NCKAP5: variants seen among roughly 807,000 people sequenced by gnomAD.
NCKAP5 encodes NCK associated protein 5, also known as nck-associated protein 5.
NCKAP5 carries 92 observed loss-of-function variants against 167.0 expected under a neutral mutation model. That is an observed-to-expected ratio of 0.55 (90% CI 0.47 to 0.66). NCKAP5 has a LOEUF of 0.66. Ranked by LOEUF, NCKAP5 falls within the 30% of genes least tolerant of loss-of-function variation. NCKAP5 has a pLI of 0.00. For missense variants in NCKAP5, 2,378 were observed against 2,315.0 expected (o/e 1.03, Z -0.56); for synonymous variants, 891 against 877.4 (o/e 1.02, Z -0.27).
At chr2:132,814,032 G>A (rs969747775) in intron 11 of NCKAP5, among the ~76,000 whole-genome samples, 2 of 152,198 alleles carry the variant, frequency 1.3e-5, no homozygotes, top group Non-Finnish European at 2.9e-5. Flanking sequence ...GTTTTACTAG[G>A]ACAAGTTGCT....
intron 5 of NCKAP5, among the ~76,000 whole-genome samples, chr2:133,144,382 T>C (rs1235909348): frequency 6.6e-6 from 1 of 152,106 alleles, no homozygotes; most frequent in African/African-American, 2.4e-5. Flanking sequence ...GTTTGTGGAC[T>C]CCTAGTCAAG....
At chr2:133,429,764 T>C (rs1690042960) in intron 3 of NCKAP5, among the ~76,000 whole-genome samples, 1 of 152,156 alleles carries the variant, frequency 6.6e-6, no homozygotes, top group African/African-American at 2.4e-5. Flanking sequence ...TGAATAGTGC[T>C]ATGATGAACA....
Position 132,731,969 on chromosome 2 carries a change from G to A in NCKAP5, c.5211C>T (p.Arg1737=), listed in dbSNP as rs1311243622. The A allele has an allele frequency of 5.0e-6, 8 of 1,613,880 alleles. No homozygotes were observed. In the Admixed American group the frequency reaches 1.0e-4, roughly 20 times the overall value. ...LPDSGNRSTG[R]YLCQPDSPED... is the part of the protein sequence containing the mutation. The stretch of plus-strand genomic sequence containing the variant: ...CTGGGGAGTCTGGCTGGCATAGGTA[G>A]CGTCCTGTCGAGCGATTTCCCGAGT... The change falls in exon 17 of 20, where the codon CGC becomes CGT. Residue 1737 remains arginine, a synonymous_variant. Coordinates refer to ENST00000409261, the MANE Select transcript of NCKAP5 (RefSeq NM_207363.3).
chr2:133,064,401 A>G (rs1164425626), intron 6 of NCKAP5, among the ~76,000 whole-genome samples: 13 of 152,230 alleles, frequency 8.5e-5, no homozygotes, highest in Admixed American at 8.5e-4. Context: ...TGCTAACAAT[A>G]CAAAAATCAC....
At chr2:133,257,744 C>T (rs540861372) in intron 4 of NCKAP5, among the ~76,000 whole-genome samples, 79 of 152,228 alleles carry the variant, frequency 5.2e-4, no homozygotes, top group Admixed American at 1.4e-3. Flanking sequence ...TTCTTGGAGA[C>T]CAGAGAGACA....
chr2:132,731,255 T>C (rs1338625131), intron 17 of NCKAP5, among the ~76,000 whole-genome samples: 1 of 152,246 alleles, frequency 6.6e-6, no homozygotes, highest in East Asian at 1.9e-4. Context: ...CACTCTATTC[T>C]ATTGCAATCG....
At chr2:133,309,637 G>C (rs555618197) in intron 3 of NCKAP5, among the ~76,000 whole-genome samples, 2 of 152,302 alleles carry the variant, frequency 1.3e-5, no homozygotes, top group African/African-American at 4.8e-5. Flanking sequence ...TTCTTTTAAT[G>C]CACATGTTTC....
chr2:133,173,595 C>G (rs2084336270), intron 5 of NCKAP5, among the ~76,000 whole-genome samples: 1 of 152,184 alleles, frequency 6.6e-6, no homozygotes, highest in Non-Finnish European at 1.5e-5. Context: ...TTACCACCCA[C>G]TGGTCCCCCT....
chr2:132,879,063 T>A (rs554134387), intron 8 of NCKAP5, 147 bp from the exon 9 acceptor site: 5 of 661,302 alleles, frequency 7.6e-6, no homozygotes, highest in East Asian at 2.7e-5. Flanking sequence ...CTAAGTACTA[T>A]TATAAATATC....
intron 11 of NCKAP5, among the ~76,000 whole-genome samples, chr2:132,842,291 T>C (rs1352236250): frequency 6.6e-6 from 1 of 152,142 alleles, no homozygotes; most frequent in East Asian, 1.9e-4. Context: ...TCTCCCTCAT[T>C]CTTATATAGC....
In NCKAP5 at chr2:132,943,891, G is replaced by A. The variant is rs376260783; in HGVS notation, c.579+19829C>T. Among the ~76,000 whole-genome samples the A allele has an allele frequency of 9.8e-5, 15 of 152,338 alleles. No homozygotes were observed. The South Asian group carries it at 2.7e-3, about 27-fold the overall frequency. ...GTTCAGAAACTGCAGACATGAGTAC[G>A]TAGCCTCCTGGGGCTGGGTGAAGTG... On this transcript the variant is annotated intron_variant, in intron 8 of 19. Coordinates refer to ENST00000409261, the MANE Select transcript of NCKAP5 (RefSeq NM_207363.3).
chr2:132,743,769 C>T (rs897452525), intron 16 of NCKAP5, among the ~76,000 whole-genome samples: 1 of 151,384 alleles, frequency 6.6e-6, no homozygotes, highest in African/African-American at 2.4e-5. Flanking sequence ...AATTGGTATA[C>T]AAAATATACC....
chr2:133,364,337 G>A (rs185840943), intron 3 of NCKAP5, among the ~76,000 whole-genome samples: 1 of 152,254 alleles, frequency 6.6e-6, no homozygotes, highest in East Asian at 1.9e-4. Flanking sequence ...GAAGTGCTCT[G>A]ACCTTACAAC....
chr2:132,937,106 C>T (rs1019996551), intron 8 of NCKAP5, among the ~76,000 whole-genome samples: 7 of 152,146 alleles, frequency 4.6e-5, no homozygotes, highest in Non-Finnish European at 8.8e-5. Flanking sequence ...TGGCCCTCCT[C>T]TAGTCAGTCA....
chr2:132,811,668 G>C (rs1288960099), intron 11 of NCKAP5, among the ~76,000 whole-genome samples: 1 of 152,042 alleles, frequency 6.6e-6, no homozygotes, highest in Non-Finnish European at 1.5e-5. Flanking sequence ...GGTGAGATAG[G>C]CTTGAAAACT....
intron 3 of NCKAP5, among the ~76,000 whole-genome samples, chr2:133,508,411 A>G (rs975053588): frequency 3.3e-5 from 5 of 152,230 alleles, no homozygotes; most frequent in African/African-American, 1.2e-4. Context: ...GCACCACTGT[A>G]TACCTCCTGG....
chr2:133,179,877 C>T (rs559705514), intron 5 of NCKAP5, among the ~76,000 whole-genome samples: 49 of 151,900 alleles, frequency 3.2e-4, no homozygotes, highest in African/African-American at 9.9e-4. Context: ...TTCAGATTTA[C>T]GTCCTCAGAG....
At chr2:133,270,921 TTTTTTTTTTC>T (rs1382462415) in intron 4 of NCKAP5, among the ~76,000 whole-genome samples, 179 of 144,420 alleles carry the variant, frequency 1.2e-3, no homozygotes, top group African/African-American at 4.2e-3. Flanking sequence ...AATTTTTTTT[TTTTTTTTTTC>T]TTTTTTGAGA....
the NCKAP5 span, among the ~76,000 whole-genome samples, chr2:133,667,867 A>T: frequency 6.6e-6 from 1 of 151,990 alleles, no homozygotes; most frequent in South Asian, 2.1e-4. Flanking sequence ...TTGTACTATC[A>T]GCACCACTAT....
Sources: allele counts gnomAD v4.1 joint callset (sites outside exome capture counted in the v4.1 genomes callset), GRCh38; gene constraint gnomAD v4.1.1; transcripts MANE v1.5; gene names NCBI Gene and HGNC (gene_info 2026-07-23, HGNC 2026-07-21).